SSBP3: variants seen among roughly 807,000 people sequenced by gnomAD.
SSBP3 encodes single-stranded DNA-binding protein 3.
In SSBP3, 5 loss-of-function variants were observed where a neutral mutation model predicts 69.6. The observed-to-expected ratio is 0.07, with a 90% CI of 0.04 to 0.15. The LOEUF (loss-of-function observed/expected upper bound fraction) is 0.15. Ranked by LOEUF, SSBP3 falls within the 10% of genes least tolerant of loss-of-function variation. The pLI is 1.00. For synonymous variants in SSBP3, 196 were observed against 193.4 expected, an observed-to-expected ratio of 1.01 and a Z score of -0.11; for missense variants, 312 against 534.0, an observed-to-expected ratio of 0.58 and a Z score of 4.10.
At chr1:54,260,148 G>A (rs1372977135) in intron 5 of SSBP3, among the ~76,000 whole-genome samples, 1 of 152,092 alleles carries the variant, frequency 6.6e-6, no homozygotes, top group Admixed American at 6.5e-5. Flanking sequence ...ACGTAACTTG[G>A]GTGTAATGTA....
chr1:54,247,839 A>G (rs1483084154), intron 9 of SSBP3, among the ~76,000 whole-genome samples: 1 of 152,220 alleles, frequency 6.6e-6, no homozygotes, highest in Non-Finnish European at 1.5e-5. Flanking sequence ...CTTTTGAAAC[A>G]CTAGGATAAG....
intron 1 of SSBP3, among the ~76,000 whole-genome samples, chr1:54,412,143 C>T (rs1014698683): frequency 3.9e-5 from 6 of 152,032 alleles, no homozygotes; most frequent in Non-Finnish European, 8.8e-5. Flanking sequence ...TCACCAGAGC[C>T]CCTCCCAAAG....
intron 4 of SSBP3, among the ~76,000 whole-genome samples, chr1:54,369,297 T>C (rs1203533127): frequency 1.7e-4 from 7 of 42,290 alleles, no homozygotes; most frequent in African/African-American, 2.6e-4. Flanking sequence ...CTCCACGGGA[T>C]TGGGGGGACG....
chr1:54,405,577 G>C (rs1649670482), intron 1 of SSBP3: 1 of 152,984 alleles, frequency 6.5e-6, no homozygotes, highest in Admixed American at 6.5e-5. Context: ...CCCCCTGCCC[G>C]CACCCGGTGG....
At chr1:54,254,154 C>A (rs1644879397) in intron 7 of SSBP3, among the ~76,000 whole-genome samples, 1 of 152,236 alleles carries the variant, frequency 6.6e-6, no homozygotes, top group Admixed American at 6.5e-5. Flanking sequence ...TGTGCACACA[C>A]CCCTGGGGCC....
chr1:54,303,588 C>T (rs939254146), intron 4 of SSBP3, among the ~76,000 whole-genome samples: 2 of 152,180 alleles, frequency 1.3e-5, no homozygotes, highest in African/African-American at 4.8e-5. Flanking sequence ...TGCCCATAAA[C>T]AGCAGTCAAG....
At position 54,401,955 on chromosome 1, in the gene SSBP3, G is replaced by A. The variant is rs751736817; in HGVS notation, c.192-10C>T. The A allele has an allele frequency of 9.9e-6, 16 of 1,611,662 alleles. No homozygotes were observed. The South Asian group carries it at 1.4e-4, about 14-fold the overall frequency. ...AAGGTCCCAAAATACACTGCGAGGA[G>A]GAAAATAAAATAAGGTCAGGTTACT... On this transcript the variant is annotated splice_polypyrimidine_tract_variant and intron_variant, in intron 3 of 17. Transcript: ENST00000610401.
intron 7 of SSBP3, among the ~76,000 whole-genome samples, chr1:54,253,501 G>A (rs1195166869): frequency 6.6e-6 from 1 of 152,100 alleles, no homozygotes. Context: ...CTACAAAGTG[G>A]CATTTAGCAC....
intron 4 of SSBP3, among the ~76,000 whole-genome samples, chr1:54,310,971 C>A (rs1163460187): frequency 6.6e-6 from 1 of 152,190 alleles, no homozygotes; most frequent in Admixed American, 6.5e-5. Context: ...GACCGCAGGT[C>A]CCCACCCACA....
intron 4 of SSBP3, among the ~76,000 whole-genome samples, chr1:54,397,140 C>T (rs527323543): frequency 1.3e-4 from 20 of 152,356 alleles, no homozygotes; most frequent in Admixed American, 2.0e-4. Context: ...CCAAAGGCAA[C>T]GCCGTGAACT....
At position 54,258,036 on chromosome 1, in the gene SSBP3, C is replaced by A. The variant is rs553498222; in HGVS notation, c.447+33G>T. ...TCTCTGCTTCCTCCGCGCCCCGCGT[C>A]CCCGGCGGGCGGGAGCGCCACGGTG... On this transcript the variant is annotated intron_variant, in intron 6 of 17. Coordinates refer to ENST00000610401, the Ensembl canonical transcript of SSBP3. The surrounding 1 kb of genome is among the most constrained non-coding windows in gnomAD (Gnocchi z 4.5). The A allele has an allele frequency of 5.1e-6, 8 of 1,557,396 alleles. No individual in the cohort carries two copies. In the South Asian group the frequency reaches 5.9e-5, roughly 12 times the overall value.
At chr1:54,272,322 A>C (rs1374217891) in intron 5 of SSBP3, among the ~76,000 whole-genome samples, 1 of 152,104 alleles carries the variant, frequency 6.6e-6, no homozygotes, top group Non-Finnish European at 1.5e-5. Context: ...CCCAGAGCCC[A>C]GCCCAGACTC....
rs72910090 is a variant in SSBP3 at position 54,290,320 on chromosome 1, T to A, written c.277-8793A>T. On this transcript the variant is annotated intron_variant, in intron 4 of 17. Transcript: ENST00000610401. Reference sequence around the variant, plus strand: ...AGGGAACTTAAACATGACCCTTAGGTAAGGTGCCCAGCCAGACTCAGCCAA... The same window carrying A: ...AGGGAACTTAAACATGACCCTTAGGAAAGGTGCCCAGCCAGACTCAGCCAA... 1.9e-3 allele frequency among the ~76,000 whole-genome samples: 286 copies of A among 152,062 alleles called. 1 individual carries two copies. The highest frequency in any genetic ancestry group is 6.6e-3 in the African/African-American group (273 of 41,478).
intron 5 of SSBP3, among the ~76,000 whole-genome samples, chr1:54,273,284 C>T (rs1235883213): frequency 6.6e-6 from 1 of 152,226 alleles, no homozygotes; most frequent in African/African-American, 2.4e-5. Flanking sequence ...GAGGGAGAGG[C>T]GGCTCAAGTG....
chr1:54,281,498 A>C, exon 5 of SSBP3: 3 of 1,569,274 alleles, frequency 1.9e-6, no homozygotes, highest in Non-Finnish European at 2.6e-6. Flanking sequence ...GAATGTTGCC[A>C]AGCACGGGGC....
At chr1:54,266,055 A>T (rs539469853) in intron 5 of SSBP3, among the ~76,000 whole-genome samples, 21 of 152,374 alleles carry the variant, frequency 1.4e-4, no homozygotes, top group African/African-American at 4.1e-4. Flanking sequence ...GCAAACGAAA[A>T]GTATAGGCAG....
intron 4 of SSBP3, among the ~76,000 whole-genome samples, chr1:54,306,802 TA>T (rs965400205): frequency 6.6e-6 from 1 of 151,794 alleles, no homozygotes; most frequent in Non-Finnish European, 1.5e-5. Context: ...ATCTCCACAA[TA>T]AAAAAATTTT....
intron 7 of SSBP3, among the ~76,000 whole-genome samples, chr1:54,254,611 C>T (rs1644887355): frequency 6.6e-6 from 1 of 152,172 alleles, no homozygotes; most frequent in Non-Finnish European, 1.5e-5. Flanking sequence ...CCTGTGAGCC[C>T]CAGCAAGTCC....
chr1:54,330,934 A>G (rs1646399822), intron 4 of SSBP3, among the ~76,000 whole-genome samples: 1 of 152,234 alleles, frequency 6.6e-6, no homozygotes, highest in Non-Finnish European at 1.5e-5. Flanking sequence ...GATTCGGCAG[A>G]GCCTGGAAGT....
Sources: gnomAD v4.1 joint callset for allele counts (sites outside exome capture counted in the v4.1 genomes callset) on GRCh38, gnomAD v4.1.1 for gene constraint, Gnocchi (gnomAD v3.1) non-coding constraint, MANE v1.5 for transcripts, NCBI Gene and HGNC (gene_info 2026-07-23, HGNC 2026-07-21) for gene names.